Variants in NAALADL2 observed in about 807,000 individuals in gnomAD.
The protein encoded by NAALADL2 is inactive N-acetylated-alpha-linked acidic dipeptidase-like protein 2.
A neutral mutation model predicts 87.2 loss-of-function variants in NAALADL2; 76 were observed. The observed-to-expected ratio is 0.87, with a 90% CI of 0.72 to 1.05. The LOEUF (loss-of-function observed/expected upper bound fraction) is 1.05, where lower values mean the gene tolerates loss of function less well. Ranked by LOEUF, NAALADL2 falls within the 50% of genes least tolerant of loss-of-function variation. NAALADL2 has a pLI of 0.00. For missense variants in NAALADL2, 1,089 were observed against 945.8 expected, an observed-to-expected ratio of 1.15 and a Z score of -1.99; for synonymous variants, 354 against 331.0, an observed-to-expected ratio of 1.07 and a Z score of -0.75.
chr3:175,324,287 CAGG>C lies in NAALADL2; in HGVS notation c.1058_1060del (p.Gly353del). 1.2e-6 allele frequency: 2 copies of C among 1,613,346 alleles called. No individual in the cohort carries two copies. The highest frequency in any genetic ancestry group is 1.7e-6 in the Non-Finnish European group (2 of 1,179,614). On this transcript the variant is annotated inframe_deletion, in exon 5 of 14. Coordinates refer to ENST00000454872, the MANE Select transcript of NAALADL2 (RefSeq NM_207015.3). The stretch of plus-strand genomic sequence containing the variant: ...GATACCTTCATGGTGTCACTGAATC[CAGG>C]AGGAGACCCTTCTACGCCTGGTTAC...
At chr3:175,107,294 T>A (rs749949628) in intron 2 of NAALADL2, among the ~76,000 whole-genome samples, 2 of 151,934 alleles carry the variant, frequency 1.3e-5, no homozygotes, top group Non-Finnish European at 2.9e-5. Context: ...GCTCATCCAA[T>A]CCATTGCAAG....
chr3:174,456,747 A>G (rs1442272528), intron 1 of NAALADL2, among the ~76,000 whole-genome samples: 1 of 152,134 alleles, frequency 6.6e-6, no homozygotes, highest in Admixed American at 6.5e-5. Flanking sequence ...TAAATGTAAA[A>G]CCCAAAACTA....
intron 12 of NAALADL2, among the ~76,000 whole-genome samples, chr3:175,746,840 A>T (rs939921094): frequency 1.3e-5 from 2 of 152,180 alleles, no homozygotes; most frequent in Non-Finnish European, 2.9e-5. Context: ...TTTTATATAG[A>T]CTGACTACAT....
At chr3:174,903,270 A>G (rs147535467) in intron 1 of NAALADL2, among the ~76,000 whole-genome samples, 1 of 152,244 alleles carries the variant, frequency 6.6e-6, no homozygotes, top group Admixed American at 6.5e-5. Flanking sequence ...TTTTATAGGC[A>G]CCAACAGAAA....
intron 1 of NAALADL2, among the ~76,000 whole-genome samples, chr3:174,530,257 C>T (rs1328612229): frequency 6.6e-6 from 1 of 152,154 alleles, no homozygotes; most frequent in Non-Finnish European, 1.5e-5. Context: ...TTTGCTAAAA[C>T]ATACGAAGAG....
At chr3:175,619,696 C>T (rs1372961112) in intron 10 of NAALADL2, among the ~76,000 whole-genome samples, 6 of 151,746 alleles carry the variant, frequency 4.0e-5, no homozygotes, top group African/African-American at 9.7e-5. Context: ...TGGTTTGCAA[C>T]GACACCCTTA....
intron 1 of NAALADL2, among the ~76,000 whole-genome samples, chr3:174,528,862 A>G (rs1167529497): frequency 6.6e-6 from 1 of 152,140 alleles, no homozygotes; most frequent in Non-Finnish European, 1.5e-5. Context: ...CTGCAAGATT[A>G]ATTACCTCGC....
intron 1 of NAALADL2, chr3:174,523,532 G>C (rs965340286): frequency 3.3e-5 from 5 of 152,108 alleles, no homozygotes; most frequent in African/African-American, 9.7e-5. Flanking sequence ...TTTCGTTTAA[G>C]CTTTCCTGTA....
intron 3 of NAALADL2, among the ~76,000 whole-genome samples, chr3:174,793,407 A>G (rs551385014): frequency 7.2e-5 from 11 of 152,286 alleles, no homozygotes; most frequent in South Asian, 2.1e-4. Context: ...TATATTGATT[A>G]ATTAATTCAC....
intron 2 of NAALADL2, among the ~76,000 whole-genome samples, chr3:174,661,473 G>C (rs1461879532): frequency 1.3e-5 from 2 of 152,082 alleles, no homozygotes; most frequent in African/African-American, 4.8e-5. Flanking sequence ...TTAGAAGGAG[G>C]AACACTACCT....
At chr3:175,253,761 G>T (rs1461754795) in intron 3 of NAALADL2, among the ~76,000 whole-genome samples, 1 of 152,090 alleles carries the variant, frequency 6.6e-6, no homozygotes, top group Non-Finnish European at 1.5e-5. Flanking sequence ...GAAAGAAATT[G>T]GTTTCAACCC....
At chr3:174,979,513 G>C (rs1457358521) in intron 1 of NAALADL2, among the ~76,000 whole-genome samples, 2 of 151,676 alleles carry the variant, frequency 1.3e-5, no homozygotes, top group African/African-American at 2.4e-5. Context: ...CACCGTGTTA[G>C]CCAGGATGGT....
chr3:174,771,989 A>C (rs1270361664), intron 3 of NAALADL2, among the ~76,000 whole-genome samples: 1 of 137,894 alleles, frequency 7.3e-6, no homozygotes, highest in Non-Finnish European at 1.6e-5. Context: ...GGAGATACAA[A>C]GACAAATCAG....
chr3:175,575,562 G>A (rs972639642), intron 9 of NAALADL2, among the ~76,000 whole-genome samples: 3 of 152,190 alleles, frequency 2.0e-5, no homozygotes, highest in African/African-American at 7.2e-5. Flanking sequence ...TGGGATTACA[G>A]GGGTGAGCCA....
intron 1 of NAALADL2, among the ~76,000 whole-genome samples, chr3:174,543,318 T>C (rs577068722): frequency 6.6e-6 from 1 of 152,016 alleles, no homozygotes; most frequent in Non-Finnish European, 1.5e-5. Flanking sequence ...TGAATGGGAG[T>C]GGTAATGGGG....
intron 2 of NAALADL2, among the ~76,000 whole-genome samples, chr3:175,216,859 G>T (rs1014740403): frequency 3.3e-5 from 5 of 151,886 alleles, no homozygotes; most frequent in Admixed American, 3.3e-4. Context: ...AGGAGAGATG[G>T]TGTTAAACCA....
intron 1 of NAALADL2, among the ~76,000 whole-genome samples, chr3:174,475,795 C>A (rs955888693): frequency 1.3e-5 from 2 of 151,860 alleles, no homozygotes; most frequent in African/African-American, 4.8e-5. Flanking sequence ...TCTGTCCATA[C>A]AAAACACATT....
intron 11 of NAALADL2, among the ~76,000 whole-genome samples, chr3:175,670,820 G>T (rs1437099274): frequency 6.6e-6 from 1 of 151,066 alleles, no homozygotes; most frequent in African/African-American, 2.4e-5. Flanking sequence ...CATTCATGAA[G>T]AATGTTATAA....
intron 1 of NAALADL2, among the ~76,000 whole-genome samples, chr3:174,521,591 A>G (rs1295049413): frequency 2.0e-5 from 3 of 150,932 alleles, no homozygotes; most frequent in Non-Finnish European, 4.4e-5. Context: ...AAAAAAAAAA[A>G]AAAAAGAAAA....
Sources: gnomAD v4.1 joint callset for allele counts (sites outside exome capture counted in the v4.1 genomes callset) on GRCh38, gnomAD v4.1.1 for gene constraint, MANE v1.5 for transcripts, NCBI Gene and HGNC (gene_info 2026-07-23, HGNC 2026-07-21) for gene names.